The following RRP36 variants were observed in gnomAD, a reference collection of about 807,000 sequenced individuals.
The protein encoded by RRP36 is ribosomal RNA processing protein 36 homolog.
A neutral mutation model predicts 39.8 loss-of-function variants in RRP36; 44 were observed. The observed-to-expected ratio is 1.10, with a 90% CI of 0.87 to 1.42. RRP36 has a LOEUF of 1.42. Among genes scored for constraint, RRP36 ranks in the 40% most tolerant of loss-of-function variants. The pLI is 0.00. For synonymous variants in RRP36, 124 were observed against 123.1 expected (o/e 1.01, Z -0.05); for missense variants, 316 against 322.4 (o/e 0.98, Z 0.15).
chr6:43,022,632 C>CTTTTTTT (rs34268212), intron 1 of RRP36, among the ~76,000 whole-genome samples: 30 of 107,064 alleles, frequency 2.8e-4, no homozygotes, highest in African/African-American at 1.2e-3. Flanking sequence ...AAGGTCTCAC[C>CTTTTTTT]TTTTTTTTTT....
intron 1 of RRP36, 25 bp downstream of exon 1, chr6:43,021,809 TGGGGA>T: frequency 3.4e-6 from 1 of 295,980 alleles, no homozygotes; most frequent in Non-Finnish European, 5.1e-6. Flanking sequence ...CAGGGCGGGC[TGGGGA>T]GGGGAAGGAG....
intron 3 of RRP36, among the ~76,000 whole-genome samples, chr6:43,025,548 G>A (rs1762796157): frequency 6.6e-6 from 1 of 150,422 alleles, no homozygotes; most frequent in South Asian, 2.1e-4. Flanking sequence ...GCTTGAACCT[G>A]GGAGGTGAAG....
At position 43,029,311 on chromosome 6, in the gene RRP36, C is replaced by G. The variant is rs908039200; in HGVS notation, c.*83C>G. The G allele has an allele frequency of 5.9e-6, 9 of 1,521,588 alleles. No homozygotes were observed. Among genetic ancestry groups the G allele is most frequent in the Non-Finnish European group, 8.1e-6 (9 of 1,109,012 alleles). 94.3% of individuals were successfully genotyped at this position (1,521,588 alleles called of 1,614,324 possible). A position where few individuals can be genotyped will look rare whatever the true frequency, so the allele number is the denominator to read the frequency against. ...GATTTGGCCACGGCTGGTTTCCGTT[C>G]AAGGGCAAGGATCACAGCTGCCCTT... is the stretch of plus-strand genomic sequence containing the variant. On this transcript the variant is annotated 3_prime_UTR_variant, in exon 7 of 7. Transcript: ENST00000244496.
chr6:43,026,219 G>A (rs758396721), intron 4 of RRP36, 78 bp downstream of exon 4: 8 of 956,376 alleles, frequency 8.4e-6, no homozygotes, highest in Non-Finnish European at 1.2e-5. Context: ...TTGGGCAGGG[G>A]GAGTGGGAAG....
At chr6:43,025,805 TGCCTGTAGTCC>T (rs1426451985) in intron 3 of RRP36, among the ~76,000 whole-genome samples, 2 of 151,102 alleles carry the variant, frequency 1.3e-5, no homozygotes, top group African/African-American at 2.4e-5. Flanking sequence ...TGGTGGCGGG[TGCCTGTAGTCC>T]TAGCTACTCA....
rs201667467 is a variant in RRP36 at position 43,027,248 on chromosome 6, G to A, written c.521G>A (p.Arg174Gln). 8.5e-5 allele frequency: 137 copies of A among 1,614,010 alleles called. No individual in the cohort carries two copies. Among genetic ancestry groups the A allele is most frequent in the Non-Finnish European group, 1.0e-4 (121 of 1,179,964 alleles). ...EHEKLQQLLQ[R>Q]MEQQEMAQQE... ...GAGAAACTGCAGCAACTGCTTCAGC[G>A]AATGGTGAGTGGGTAATAATTGTGG... Residue 174 changes from arginine (R) to glutamine (Q), a missense_variant, in exon 5 of 7, where the codon CGA becomes CAA. By Grantham distance (43) the Arg-to-Gln change is conservative (BLOSUM62 1). Transcript: ENST00000244496.
At chr6:43,026,721 C>T (rs1409493953) in intron 4 of RRP36, among the ~76,000 whole-genome samples, 1 of 149,740 alleles carries the variant, frequency 6.7e-6, no homozygotes, top group Non-Finnish European at 1.5e-5. Flanking sequence ...ATGTGAACTT[C>T]TGGCCGGGTG....
intron 3 of RRP36, among the ~76,000 whole-genome samples, chr6:43,025,731 A>T (rs1219861608): frequency 6.6e-6 from 1 of 151,838 alleles, no homozygotes; most frequent in African/African-American, 2.4e-5. Context: ...GGAGATTGAG[A>T]CCATCCTAGC....
At chr6:43,023,591 C>T (rs1762764616) in intron 1 of RRP36, among the ~76,000 whole-genome samples, 1 of 145,136 alleles carries the variant, frequency 6.9e-6, no homozygotes, top group Admixed American at 6.8e-5. Context: ...ACTGAGGAGG[C>T]TGAGGCAGGA....
At chr6:43,021,861 C>A in intron 1 of RRP36, 77 bp downstream of exon 1, 3 of 1,094,392 alleles carry the variant, frequency 2.7e-6, no homozygotes, top group Non-Finnish European at 2.3e-6. Context: ...AGAGACGGTG[C>A]CGGTAAGACT....
intron 2 of RRP36, 34 bp from the exon 3 acceptor site, chr6:43,025,229 A>C (rs1762788927): frequency 6.2e-7 from 1 of 1,613,626 alleles, no homozygotes. Flanking sequence ...CCAACACTGG[A>C]GTCCTCTTGA....
chr6:43,025,512 G>A (rs1762795658), intron 3 of RRP36, among the ~76,000 whole-genome samples, 183 bp downstream of exon 3: 1 of 150,262 alleles, frequency 6.7e-6, no homozygotes, highest in Non-Finnish European at 1.5e-5. Flanking sequence ...AGTCCCAGCT[G>A]CTTGGAAAAC....
At chr6:43,027,629 G>T (rs887236078) in intron 6 of RRP36, 152 bp downstream of exon 6, 4 of 668,458 alleles carry the variant, frequency 6.0e-6, no homozygotes, top group African/African-American at 5.5e-5. Flanking sequence ...GTAGGGAGTT[G>T]TTTGTAACCA....
In RRP36 at chr6:43,021,735, G is replaced by T; in HGVS notation, c.81G>T (p.Glu27Asp). ...CCCGCGGGGCCCGGGACCGCGAGGA[G>T]GACGGCGGGGGCCTGGAGCCCGCGG... ...RRPRGARDRE[E>D]DGGGLEPAAV... is the part of the protein sequence containing the mutation. Residue 27 changes from glutamate (E) to aspartate (D), a missense_variant, in exon 1 of 7, where the codon GAG becomes GAT. Coordinates refer to ENST00000244496, the MANE Select transcript of RRP36 (RefSeq NM_033112.4). 1 of 1,228,468 alleles carries T rather than the reference G, an allele frequency of 8.1e-7. No homozygotes were observed. 76.1% of individuals were successfully genotyped at this position (1,228,468 alleles called of 1,614,324 possible).
rs192195050 is a variant in RRP36, at chr6:43,022,227, C to T, written c.130+443C>T. ...CATTCTGCTGCCTCAGCCTCCAGAG[C>T]AGCTGGGACTACAGGCGCCCGCCAC... is the stretch of plus-strand genomic sequence containing the variant. On this transcript the variant is annotated intron_variant, in intron 1 of 6. Transcript: ENST00000244496. Among the ~76,000 whole-genome samples the T allele has an allele frequency of 2.9e-3, 438 of 151,064 alleles. 3 individuals are homozygous for T. Among genetic ancestry groups the T allele is most frequent in the African/African-American group, 0.01 (413 of 41,150 alleles).
intron 1 of RRP36, among the ~76,000 whole-genome samples, chr6:43,023,913 G>A (rs1291741076): frequency 6.7e-6 from 1 of 150,124 alleles, no homozygotes; most frequent in Non-Finnish European, 1.5e-5. Flanking sequence ...CTGGAGTGCA[G>A]TGACGTGATC....
chr6:43,022,444 C>G (rs1277633801), intron 1 of RRP36, among the ~76,000 whole-genome samples: 1 of 151,882 alleles, frequency 6.6e-6, no homozygotes, highest in Non-Finnish European at 1.5e-5. Flanking sequence ...GACAAAGTCT[C>G]GCCCTGTAGC....
At chr6:43,023,925 C>T (rs946442514) in intron 1 of RRP36, among the ~76,000 whole-genome samples, 14 of 149,948 alleles carry the variant, frequency 9.3e-5, no homozygotes, top group African/African-American at 3.2e-4. Context: ...GACGTGATCT[C>T]GGCTCACTGC....
chr6:43,028,286 C>T (rs1241284879), intron 6 of RRP36, among the ~76,000 whole-genome samples: 1 of 151,420 alleles, frequency 6.6e-6, no homozygotes, highest in African/African-American at 2.4e-5. Context: ...GCCTAGATTG[C>T]ACTGTTGTAC....
Sources: gnomAD v4.1 joint callset for allele counts (sites outside exome capture counted in the v4.1 genomes callset) on GRCh38, gnomAD v4.1.1 for gene constraint, MANE v1.5 for transcripts, NCBI Gene and HGNC (gene_info 2026-07-23, HGNC 2026-07-21) for gene names.